RASGRP1: variants seen among roughly 807,000 people sequenced by gnomAD.
RASGRP1 encodes RAS guanyl-releasing protein 1.
A neutral mutation model predicts 95.1 loss-of-function variants in RASGRP1; 37 were observed. That is an observed-to-expected ratio of 0.39 (90% CI 0.30 to 0.51). RASGRP1 has a LOEUF of 0.51. Ranked by LOEUF, RASGRP1 falls within the 20% of genes least tolerant of loss-of-function variation. RASGRP1 has a pLI of 0.80. For synonymous variants in RASGRP1, 325 were observed against 353.4 expected (o/e 0.92, Z 0.90); for missense variants, 711 against 965.4 (o/e 0.74, Z 3.49).
chr15:38,506,004 T>TG, intron 9 of RASGRP1, 84 bp from the exon 10 acceptor site: 1 of 1,122,414 alleles, frequency 8.9e-7, no homozygotes, highest in Middle Eastern at 2.0e-4. Flanking sequence ...GGATTTTCCT[T>TG]GCCAGTAGTT....
At chr15:38,554,962 T>TA (rs1267589248) in intron 2 of RASGRP1, among the ~76,000 whole-genome samples, 2 of 152,256 alleles carry the variant, frequency 1.3e-5, no homozygotes, top group African/African-American at 4.8e-5. Flanking sequence ...TGTTGCCTGT[T>TA]ATTAGGTCTG....
intron 3 of RASGRP1, among the ~76,000 whole-genome samples, chr15:38,525,611 G>A (rs974066086): frequency 6.6e-6 from 1 of 152,178 alleles, no homozygotes; most frequent in Non-Finnish European, 1.5e-5. Flanking sequence ...GGAATTAGGA[G>A]AGTGGAAAAG....
chr15:38,546,224 T>C (rs1893097764), intron 2 of RASGRP1, among the ~76,000 whole-genome samples: 1 of 152,026 alleles, frequency 6.6e-6, no homozygotes, highest in Admixed American at 6.5e-5. Flanking sequence ...TATTTATTTA[T>C]TTATTTATTT....
In RASGRP1 at chr15:38,530,053, C is replaced by T. The variant is rs571260807; in HGVS notation, c.221-3649G>A. Among the ~76,000 whole-genome samples, 9 of 152,168 alleles carry T rather than the reference C, an allele frequency of 5.9e-5. No homozygotes were observed. The South Asian group carries it at 1.9e-3, about 32-fold the overall frequency. On this transcript the variant is annotated intron_variant, in intron 2 of 16. Coordinates refer to ENST00000310803, the MANE Select transcript of RASGRP1 (RefSeq NM_005739.4). ...AATTTCCATAATAATTATTTCTTGC[C>T]ACAAAAATTCTGCATAACCAACCAC...
intron 8 of RASGRP1, among the ~76,000 whole-genome samples, chr15:38,510,999 A>T (rs1891489152): frequency 6.6e-6 from 1 of 152,246 alleles, no homozygotes; most frequent in Non-Finnish European, 1.5e-5. Flanking sequence ...GCCCTATGTC[A>T]TAAAAGATAA....
intron 2 of RASGRP1, among the ~76,000 whole-genome samples, chr15:38,539,900 C>T (rs1892800306): frequency 6.6e-6 from 1 of 152,046 alleles, no homozygotes; most frequent in South Asian, 2.1e-4. Flanking sequence ...AGGACATGAA[C>T]TCATCTTTGC....
intron 11 of RASGRP1, among the ~76,000 whole-genome samples, chr15:38,502,655 A>G (rs571641082): frequency 6.6e-6 from 1 of 152,180 alleles, no homozygotes; most frequent in Non-Finnish European, 1.5e-5. Context: ...TAGCACGTCA[A>G]TTATACTATC....
intron 2 of RASGRP1, among the ~76,000 whole-genome samples, chr15:38,550,469 A>G (rs764957760): frequency 2.6e-5 from 4 of 152,140 alleles, no homozygotes; most frequent in Non-Finnish European, 5.9e-5. Flanking sequence ...TGTAGCATTG[A>G]AAAGAACTGA....
chr15:38,516,486 G>T, intron 5 of RASGRP1, 136 bp from the exon 6 acceptor site: 3 of 1,105,074 alleles, frequency 2.7e-6, no homozygotes, highest in Non-Finnish European at 3.9e-6. Flanking sequence ...CCAAAACAGT[G>T]CATTCACAGA....
intron 2 of RASGRP1, among the ~76,000 whole-genome samples, chr15:38,559,558 C>G (rs1893720879): frequency 1.3e-5 from 2 of 152,128 alleles, no homozygotes; most frequent in South Asian, 4.1e-4. Flanking sequence ...TTTTTCATCA[C>G]AAGAAAAACC....
At chr15:38,552,147 A>C (rs1344525504) in intron 2 of RASGRP1, among the ~76,000 whole-genome samples, 1 of 152,230 alleles carries the variant, frequency 6.6e-6, no homozygotes, top group East Asian at 1.9e-4. Context: ...TGCTGTTTTC[A>C]TGTTCCATTG....
At chr15:38,501,309 A>G (rs769321545) in intron 12 of RASGRP1, 22 bp from the exon 13 acceptor site, 54 of 1,613,080 alleles carry the variant, frequency 3.3e-5, no homozygotes, top group Non-Finnish European at 4.4e-5. Flanking sequence ...TGACCAAGGC[A>G]AGGATGTGAG....
Position 38,498,778 on chromosome 15 carries a change from C to A in RASGRP1, c.1873+16G>T, listed in dbSNP as rs1362667243. The stretch of plus-strand genomic sequence containing the variant: ...TACTTCACTTTCCAAGATGAATGTT[C>A]CCAGTGCCTACTTACCATGGAGCAG... On this transcript the variant is annotated intron_variant, in intron 15 of 16. Transcript: ENST00000310803. 6.2e-7 allele frequency: 1 copy of A among 1,609,122 alleles called. No homozygotes were observed. The highest frequency in any genetic ancestry group is 8.5e-7 in the Non-Finnish European group (1 of 1,178,008).
At chr15:38,494,831 C>A (rs1454212063) in intron 15 of RASGRP1, 64 bp from the exon 16 acceptor site, 39 of 1,269,164 alleles carry the variant, frequency 3.1e-5, no homozygotes, top group Non-Finnish European at 4.0e-5. Flanking sequence ...AAGACTGAGA[C>A]ATTAGTTTCA....
At chr15:38,549,646 C>CCTGCTTCCTTCTTCCCCT (rs1893247317) in intron 2 of RASGRP1, among the ~76,000 whole-genome samples, 1 of 88,664 alleles carries the variant, frequency 1.1e-5, no homozygotes, top group African/African-American at 6.4e-5. Context: ...ACCGGCAATC[C>CCTGCTTCCTTCTTCCCCT]CTGCTTCCCT....
At chr15:38,535,618 C>T (rs1057294011) in intron 2 of RASGRP1, among the ~76,000 whole-genome samples, 2 of 152,296 alleles carry the variant, frequency 1.3e-5, no homozygotes, top group Admixed American at 1.3e-4. Context: ...CAGAAGCACT[C>T]TCTACTGCCT....
rs1893959525 is a variant in RASGRP1 at position 38,564,628 on chromosome 15, T to TG, written c.-1dup. The TG allele has an allele frequency of 7.4e-7, 1 of 1,349,700 alleles. No homozygotes were observed. Among genetic ancestry groups the TG allele is most frequent in the Non-Finnish European group, 9.6e-7 (1 of 1,041,094 alleles). The allele number at this position is 1,349,700 out of a possible 1,614,324, so 83.6% of individuals were successfully genotyped here. A position where few individuals can be genotyped will look rare whatever the true frequency, so the allele number is the denominator to read the frequency against. On this transcript the variant is annotated 5_prime_UTR_variant, in exon 1 of 17. Coordinates refer to ENST00000310803, the MANE Select transcript of RASGRP1 (RefSeq NM_005739.4). ...TCTCTCGCCTTGCCCAGGGTGCCCATGGCCGCGGCCCGCGCTCCCGGTGCC... is the reference window on the plus strand; with the variant it reads ...TCTCTCGCCTTGCCCAGGGTGCCCATGGGCCGCGGCCCGCGCTCCCGGTGCC...
At chr15:38,492,722 A>G (rs190706746) in intron 16 of RASGRP1, among the ~76,000 whole-genome samples, 51 of 152,214 alleles carry the variant, frequency 3.4e-4, no homozygotes, top group African/African-American at 1.2e-3. Context: ...GTAGGTTCTT[A>G]CCAATTATAG....
chr15:38,516,901 T>C (rs1291125115), intron 5 of RASGRP1, among the ~76,000 whole-genome samples: 1 of 152,136 alleles, frequency 6.6e-6, no homozygotes, highest in Non-Finnish European at 1.5e-5. Context: ...TGTCCTCAGC[T>C]ACTGAAATGA....
Sources: allele counts gnomAD v4.1 joint callset (sites outside exome capture counted in the v4.1 genomes callset), GRCh38; gene constraint gnomAD v4.1.1; transcripts MANE v1.5; gene names NCBI Gene and HGNC (gene_info 2026-07-23, HGNC 2026-07-21).